PARD3B: variants seen among roughly 807,000 people sequenced by gnomAD.
PARD3B encodes the protein par-3 family cell polarity regulator beta, also known as partitioning defective 3 homolog B.
A neutral mutation model predicts 130.2 loss-of-function variants in PARD3B; 103 were observed. The observed-to-expected ratio is 0.79, with a 90% confidence interval of 0.67 to 0.93. PARD3B has a LOEUF of 0.93. PARD3B is among the 40% of genes least tolerant of loss of function. PARD3B has a pLI of 0.00. For missense variants in PARD3B, 1,609 were observed against 1,499.2 expected (o/e 1.07, Z -1.21); for synonymous variants, 583 against 553.2 (o/e 1.05, Z -0.76).
intron 18 of PARD3B, among the ~76,000 whole-genome samples, chr2:205,314,478 CA>C (rs143563468): frequency 5.8e-4 from 89 of 152,302 alleles, no homozygotes; most frequent in African/African-American, 2.1e-3. Context: ...CCTGACAAGG[CA>C]ACATCAAACC....
At chr2:205,057,521 G>GTGTATA (rs1699757223) in intron 4 of PARD3B, among the ~76,000 whole-genome samples, 1 of 128,402 alleles carries the variant, frequency 7.8e-6, no homozygotes, top group Non-Finnish European at 1.6e-5. Flanking sequence ...GTATGTGCAT[G>GTGTATA]TGTATATATA....
chr2:204,701,058 A>G (rs2037867565), intron 2 of PARD3B, among the ~76,000 whole-genome samples: 1 of 152,106 alleles, frequency 6.6e-6, no homozygotes, highest in South Asian at 2.1e-4. Flanking sequence ...TTACATTTAT[A>G]CTTTTTCATA....
intron 2 of PARD3B, among the ~76,000 whole-genome samples, chr2:204,718,189 A>T (rs1292683216): frequency 6.6e-6 from 1 of 150,978 alleles, no homozygotes; most frequent in Non-Finnish European, 1.5e-5. Context: ...GTCGTGGGGG[A>T]TGGGAGGAGT....
At chr2:204,872,929 A>G (rs1467185475) in intron 2 of PARD3B, among the ~76,000 whole-genome samples, 1 of 152,182 alleles carries the variant, frequency 6.6e-6, no homozygotes. Flanking sequence ...AGAGAGGAGT[A>G]AACAGTATTT....
At chr2:205,371,150 C>A (rs1178209221) in intron 18 of PARD3B, among the ~76,000 whole-genome samples, 2 of 152,056 alleles carry the variant, frequency 1.3e-5, no homozygotes, top group Admixed American at 1.3e-4. Context: ...GGGGATCTTT[C>A]CCATCACTCT....
intron 15 of PARD3B, among the ~76,000 whole-genome samples, chr2:205,232,756 T>C (rs2038904796): frequency 6.6e-6 from 1 of 152,126 alleles, no homozygotes; most frequent in Non-Finnish European, 1.5e-5. Context: ...ATATCTGAGA[T>C]GTAAAATACT....
At chr2:205,340,403 C>T (rs966543956) in intron 18 of PARD3B, among the ~76,000 whole-genome samples, 1 of 152,062 alleles carries the variant, frequency 6.6e-6, no homozygotes, top group African/African-American at 2.4e-5. Context: ...TAAAAACATA[C>T]ACATAGACCA....
intron 18 of PARD3B, among the ~76,000 whole-genome samples, chr2:205,306,997 C>T (rs777841516): frequency 1.3e-5 from 2 of 152,182 alleles, no homozygotes; most frequent in African/African-American, 2.4e-5. Flanking sequence ...CTCAGATGCT[C>T]TCCTGAAGAT....
rs185142100 is a variant in PARD3B, at chr2:205,190,515, G to C, written c.2025-2690G>C. On this transcript the variant is annotated intron_variant, in intron 14 of 22. Transcript: ENST00000406610. ...AGCAAGTCTTCACTAAAAGTGAAAGGCTTGATTTTTGCGGATTCGGGATCA... is the reference window on the plus strand; with the variant it reads ...AGCAAGTCTTCACTAAAAGTGAAAGCCTTGATTTTTGCGGATTCGGGATCA... Among the ~76,000 whole-genome samples, 536 of 152,270 alleles carry C rather than the reference G, an allele frequency of 3.5e-3. 3 individuals are homozygous for C. Among genetic ancestry groups the C allele is most frequent in the Non-Finnish European group, 5.3e-3 (363 of 68,006 alleles).
chr2:205,330,188 G>A (rs10170727), intron 18 of PARD3B, among the ~76,000 whole-genome samples: 132,059 of 150,894 alleles, frequency 0.88, 57,963 homozygotes, highest in Admixed American at 0.92. Context: ...TAAAAATACA[G>A]AAATTAGCCG....
chr2:204,735,255 A>G (rs760832114), intron 2 of PARD3B, among the ~76,000 whole-genome samples: 8 of 152,016 alleles, frequency 5.3e-5, no homozygotes, highest in Non-Finnish European at 1.0e-4. Context: ...ACAACCTGAC[A>G]CCACTCTGAA....
At chr2:204,572,726 A>G (rs2032065829) in intron 1 of PARD3B, among the ~76,000 whole-genome samples, 1 of 152,230 alleles carries the variant, frequency 6.6e-6, no homozygotes, top group South Asian at 2.1e-4. Flanking sequence ...AATTTTGTAA[A>G]TAAAAATCAG....
At chr2:204,958,691 C>T (rs1690484248) in intron 2 of PARD3B, among the ~76,000 whole-genome samples, 1 of 152,088 alleles carries the variant, frequency 6.6e-6, no homozygotes, top group African/African-American at 2.4e-5. Flanking sequence ...CATTGTGTGC[C>T]AGCCTCTATG....
At chr2:205,385,069 A>G (rs949885569) in intron 18 of PARD3B, among the ~76,000 whole-genome samples, 3 of 152,102 alleles carry the variant, frequency 2.0e-5, no homozygotes, top group Non-Finnish European at 4.4e-5. Flanking sequence ...TTTTAGGCTG[A>G]TAGGATTTCT....
intron 2 of PARD3B, among the ~76,000 whole-genome samples, chr2:204,898,647 A>T (rs1279807611): frequency 6.6e-6 from 1 of 152,202 alleles, no homozygotes; most frequent in Non-Finnish European, 1.5e-5. Context: ...TTTGGTCTGT[A>T]GTGAAGATTA....
intron 2 of PARD3B, among the ~76,000 whole-genome samples, chr2:204,754,955 C>G (rs959914884): frequency 6.6e-6 from 1 of 152,054 alleles, no homozygotes; most frequent in Admixed American, 6.6e-5. Flanking sequence ...AACCGAGTTC[C>G]TCAGTTTTCT....
At chr2:204,908,317 G>A (rs1248762078) in intron 2 of PARD3B, among the ~76,000 whole-genome samples, 4 of 152,016 alleles carry the variant, frequency 2.6e-5, no homozygotes, top group South Asian at 2.1e-4. Context: ...ATCACATATC[G>A]AAGATGAAAT....
intron 2 of PARD3B, among the ~76,000 whole-genome samples, chr2:204,963,317 T>C (rs1443474204): frequency 6.6e-6 from 1 of 152,146 alleles, no homozygotes; most frequent in Non-Finnish European, 1.5e-5. Context: ...TTACGAGTTA[T>C]CACTTTTAAG....
intron 18 of PARD3B, among the ~76,000 whole-genome samples, chr2:205,335,252 C>T (rs999925726): frequency 5.9e-5 from 9 of 152,182 alleles, no homozygotes; most frequent in African/African-American, 1.7e-4. Flanking sequence ...ATGCCTGCCC[C>T]ATCTTTGGAA....
Sources: allele counts gnomAD v4.1 joint callset (sites outside exome capture counted in the v4.1 genomes callset), GRCh38; gene constraint gnomAD v4.1.1; transcripts MANE v1.5; gene names NCBI Gene and HGNC (gene_info 2026-07-23, HGNC 2026-07-21).